The following ELAVL4 variants were observed in gnomAD, a reference collection of about 807,000 sequenced individuals.
ELAVL4 encodes ELAV-like protein 4.
ELAVL4 carries 1 observed loss-of-function variant against 35.6 expected under a neutral mutation model. The observed-to-expected ratio is 0.03, with a 90% CI of 0.01 to 0.13. ELAVL4 has a LOEUF of 0.13. Ranked by LOEUF, ELAVL4 falls within the 10% of genes least tolerant of loss-of-function variation. The pLI is 1.00. For synonymous variants in ELAVL4, 156 were observed against 171.0 expected (o/e 0.91, Z 0.69); for missense variants, 267 against 464.9 (o/e 0.57, Z 3.91).
chr1:50,053,897 G>T (rs1007547669), intron 1 of ELAVL4, among the ~76,000 whole-genome samples: 7 of 152,200 alleles, frequency 4.6e-5, no homozygotes, highest in Non-Finnish European at 8.8e-5. Context: ...GAATACAGTA[G>T]GCCTCACTGG....
rs4397691 is a variant in ELAVL4 at position 50,190,265 on chromosome 1, G to C, written c.355-3500G>C. Among the ~76,000 whole-genome samples the C allele has an allele frequency of 1.8e-3, 277 of 152,296 alleles. 1 individual carries two copies. Among genetic ancestry groups the C allele is most frequent in the Middle Eastern group, 6.8e-3 (2 of 294 alleles). On this transcript the variant is annotated intron_variant, in intron 3 of 6. Transcript: ENST00000371824. ...CTGTGACTCCAGGCCACTGGCCCAG[G>C]GGCATTAATATGCCATCAATGCTGA...
At chr1:50,094,158 T>C (rs1665614387) in intron 1 of ELAVL4, among the ~76,000 whole-genome samples, 1 of 152,194 alleles carries the variant, frequency 6.6e-6, no homozygotes, top group South Asian at 2.1e-4. Flanking sequence ...CTAGGAAAGG[T>C]TGCATTTGTT....
intron 2 of ELAVL4, among the ~76,000 whole-genome samples, chr1:50,157,740 C>T (rs887813006): frequency 2.0e-4 from 30 of 152,178 alleles, no homozygotes; most frequent in African/African-American, 7.0e-4. Context: ...AATGAACTAA[C>T]ATTTCTCAGG....
rs531184149 is a variant in ELAVL4 at position 50,119,036 on chromosome 1, AAAAGAAAGAAAGAAAGAAAGAAAG to A, written c.9+9874_9+9897del. 1.0e-3 allele frequency among the ~76,000 whole-genome samples: 128 copies of A among 127,258 alleles called. 1 individual carries two copies. Among genetic ancestry groups the A allele is most frequent in the African/African-American group, 3.3e-3 (109 of 32,782 alleles). The allele number at this position is 127,258 out of a possible 152,430, so 83.5% of individuals were successfully genotyped here. A position where few individuals can be genotyped will look rare whatever the true frequency, so the allele number is the denominator to read the frequency against. On this transcript the variant is annotated intron_variant, in intron 1 of 6. Coordinates refer to ENST00000371824, the MANE Select transcript of ELAVL4 (RefSeq NM_001144774.3). ...AGAAAAGAAAGGAAAGAAAGAAAGA[AAAAGAAAGAAAGAAAGAAAGAAAG>A]AAAGAAAGAAAGAAAGAAAGAAAGA...
chr1:50,171,624 G>A (rs559481090), intron 2 of ELAVL4, among the ~76,000 whole-genome samples: 1 of 152,186 alleles, frequency 6.6e-6, no homozygotes, highest in East Asian at 1.9e-4. Flanking sequence ...TTGATTGTGA[G>A]AATTAAGGGA....
intron 1 of ELAVL4, among the ~76,000 whole-genome samples, chr1:50,070,599 G>T (rs938840504): frequency 6.6e-6 from 1 of 152,058 alleles, no homozygotes; most frequent in African/African-American, 2.4e-5. Flanking sequence ...AAAATTAGCT[G>T]GGCATGGTGA....
At chr1:50,061,284 A>G (rs1295942163) in intron 1 of ELAVL4, among the ~76,000 whole-genome samples, 5 of 152,136 alleles carry the variant, frequency 3.3e-5, no homozygotes, top group African/African-American at 1.2e-4. Flanking sequence ...ATTGTTTTTA[A>G]CCTGAATCCC....
intron 2 of ELAVL4, among the ~76,000 whole-genome samples, chr1:50,151,272 G>T (rs1417883875): frequency 1.3e-5 from 2 of 152,194 alleles, no homozygotes; most frequent in African/African-American, 4.8e-5. Context: ...CCTAGGGAAT[G>T]AAATTTTTGA....
chr1:50,134,044 T>C (rs1671485335), intron 1 of ELAVL4, among the ~76,000 whole-genome samples: 1 of 152,210 alleles, frequency 6.6e-6, no homozygotes, highest in African/African-American at 2.4e-5. Context: ...ACCCTGGTTA[T>C]GTTAAGAAAA....
intron 1 of ELAVL4, among the ~76,000 whole-genome samples, chr1:50,077,218 A>T (rs1664803636): frequency 6.6e-6 from 1 of 152,180 alleles, no homozygotes; most frequent in South Asian, 2.1e-4. Flanking sequence ...CATATAGGGA[A>T]TTGGCTCACA....
chr1:50,168,432 A>G (rs911322059), intron 2 of ELAVL4, among the ~76,000 whole-genome samples: 3 of 152,046 alleles, frequency 2.0e-5, no homozygotes, highest in Non-Finnish European at 4.4e-5. Flanking sequence ...ATAAGAGCTC[A>G]TGTCTGTTTT....
chr1:50,133,619 G>GA (rs1553174452), intron 1 of ELAVL4, among the ~76,000 whole-genome samples: 1 of 144,632 alleles, frequency 6.9e-6, no homozygotes, highest in South Asian at 2.2e-4. Context: ...AAGAAAGAAA[G>GA]AAAGAAAGAA....
At chr1:50,111,133 G>T (rs1180397698) in intron 1 of ELAVL4, among the ~76,000 whole-genome samples, 1 of 150,978 alleles carries the variant, frequency 6.6e-6, no homozygotes, top group Non-Finnish European at 1.5e-5. Flanking sequence ...CCCTGTTTTT[G>T]TGTGTGTGTG....
intron 2 of ELAVL4, among the ~76,000 whole-genome samples, chr1:50,153,920 AAG>A (rs1273447080): frequency 6.6e-6 from 1 of 152,194 alleles, no homozygotes; most frequent in African/African-American, 2.4e-5. Context: ...AAGCCAGAAA[AAG>A]AGCCTTCACT....
intron 2 of ELAVL4, among the ~76,000 whole-genome samples, chr1:50,153,342 T>G (rs1675132121): frequency 6.6e-6 from 1 of 152,234 alleles, no homozygotes. Flanking sequence ...ATATTATAGA[T>G]GTTATCTCAT....
intron 1 of ELAVL4, among the ~76,000 whole-genome samples, chr1:50,055,947 T>G (rs962259812): frequency 1.3e-5 from 2 of 152,130 alleles, no homozygotes; most frequent in African/African-American, 4.8e-5. Context: ...GAAGTCATGT[T>G]TTTGCTGCTG....
chr1:50,111,509 G>T (rs1236867146), intron 1 of ELAVL4, among the ~76,000 whole-genome samples: 1 of 152,100 alleles, frequency 6.6e-6, no homozygotes, highest in Non-Finnish European at 1.5e-5. Flanking sequence ...TAAATCGGAT[G>T]TTGATACTAT....
chr1:50,177,125 A>G lies in ELAVL4; in HGVS notation c.287A>G (p.Asp96Gly). ...SLGYGFVNYI[D>G]PKDAEKAINT... ...GGGTATGGATTTGTTAACTATATTG[A>G]TCCAAAGGATGCAGAGAAAGCCATC... is the stretch of plus-strand genomic sequence containing the variant. The change falls in exon 3 of 7, where the codon GAT (aspartate) becomes GGT (glycine). Residue 96 changes from aspartate to glycine, a missense_variant. Coordinates refer to ENST00000371824, the MANE Select transcript of ELAVL4 (RefSeq NM_001144774.3). The G allele has an allele frequency of 6.2e-7, 1 of 1,613,968 alleles. No individual in the cohort carries two copies. Among genetic ancestry groups the G allele is most frequent in the Non-Finnish European group, 8.5e-7 (1 of 1,179,962 alleles).
chr1:50,116,523 C>T (rs1667990354), intron 1 of ELAVL4, among the ~76,000 whole-genome samples: 2 of 151,898 alleles, frequency 1.3e-5, no homozygotes, highest in African/African-American at 4.8e-5. Context: ...TTTTCCTAAG[C>T]TGCCAGTCTA....
Sources: gnomAD v4.1 joint callset for allele counts (sites outside exome capture counted in the v4.1 genomes callset) on GRCh38, gnomAD v4.1.1 for gene constraint, MANE v1.5 for transcripts, NCBI Gene and HGNC (gene_info 2026-07-23, HGNC 2026-07-21) for gene names.